The following DLC1 variants were observed in gnomAD, a reference collection of about 807,000 sequenced individuals.
DLC1 encodes DLC1 Rho GTPase activating protein, also known as rho GTPase-activating protein 7.
In DLC1, 54 loss-of-function variants were observed where a neutral mutation model predicts 140.3. That is an observed-to-expected ratio of 0.38 (90% CI 0.31 to 0.48). DLC1 has a LOEUF of 0.48. Ranked by LOEUF, DLC1 falls within the 20% of genes least tolerant of loss-of-function variation. The probability of loss-of-function intolerance (pLI) is 0.96; values close to 1 mark genes in which losing one functional copy is unlikely to be tolerated. For missense variants in DLC1, 2,536 were observed against 1,907.0 expected (o/e 1.33, Z -6.14); for synonymous variants, 986 against 728.1 (o/e 1.35, Z -5.70).
chr8:13,179,227 G>A (rs1426750470), intron 5 of DLC1, among the ~76,000 whole-genome samples: 1 of 151,370 alleles, frequency 6.6e-6, no homozygotes, highest in East Asian at 2.0e-4. Context: ...TCTTCTGTTA[G>A]AAATCAGGAG....
At chr8:13,204,137 A>G (rs894119858) in intron 5 of DLC1, among the ~76,000 whole-genome samples, 1 of 152,172 alleles carries the variant, frequency 6.6e-6, no homozygotes. Flanking sequence ...GTTAAGGAAA[A>G]TATTACTGTC....
At position 13,401,593 on chromosome 8, in the gene DLC1, C is replaced by T. The variant is rs147228489; in HGVS notation, c.1050G>A (p.Ala350=). 1.1e-4 allele frequency: 175 copies of T among 1,613,614 alleles called. No homozygotes were observed. In the East Asian group the frequency reaches 1.5e-3, roughly 14 times the overall value. The change falls in exon 3 of 18, where the codon GCG becomes GCA. Residue 350 remains alanine, a synonymous_variant. Transcript: ENST00000276297. ...TCAGCAGCACCATGGAGTCCAGCCG[C>T]GCCCTATCTCGATCTTCTCTTATTT... ...RKEIREDRDR[A]RLDSMVLLIM...
intron 2 of DLC1, among the ~76,000 whole-genome samples, chr8:13,464,954 A>G (rs1430571752): frequency 1.3e-5 from 2 of 151,974 alleles, no homozygotes; most frequent in East Asian, 1.9e-4. Context: ...TCAGGCTGTT[A>G]GTAATCTCCT....
At chr8:13,482,479 G>A (rs1800782206) in intron 2 of DLC1, among the ~76,000 whole-genome samples, 4 of 152,076 alleles carry the variant, frequency 2.6e-5, no homozygotes, top group South Asian at 4.2e-4. Context: ...CAGGTTAAGC[G>A]GTGAAATAAT....
At chr8:13,316,762 T>A (rs1045514750) in intron 4 of DLC1, among the ~76,000 whole-genome samples, 3 of 152,154 alleles carry the variant, frequency 2.0e-5, no homozygotes, top group Admixed American at 2.0e-4. Context: ...TCTCTGGTCA[T>A]TTGGGCCTTG....
intron 1 of DLC1, among the ~76,000 whole-genome samples, chr8:13,528,468 G>A (rs1281016923): frequency 1.3e-5 from 2 of 152,154 alleles, no homozygotes; most frequent in Non-Finnish European, 2.9e-5. Context: ...GTTTGAAAGA[G>A]TTTGTAAAAC....
chr8:13,462,201 A>G (rs760823723), intron 2 of DLC1, among the ~76,000 whole-genome samples: 1 of 152,094 alleles, frequency 6.6e-6, no homozygotes, highest in Non-Finnish European at 1.5e-5. Flanking sequence ...TACAAATTCT[A>G]TCCAAACTCA....
intron 1 of DLC1, among the ~76,000 whole-genome samples, chr8:13,578,657 C>G (rs1386274124): frequency 6.6e-6 from 1 of 152,138 alleles, no homozygotes; most frequent in East Asian, 1.9e-4. Context: ...GCTCACAGAG[C>G]TTAGAGAAAC....
intron 5 of DLC1, among the ~76,000 whole-genome samples, chr8:13,186,012 G>C (rs1284657446): frequency 6.6e-6 from 1 of 152,180 alleles, no homozygotes; most frequent in Non-Finnish European, 1.5e-5. Context: ...TCTGCCAAGA[G>C]ATCCACTGTT....
At chr8:13,397,455 G>A (rs1293277165) in intron 3 of DLC1, among the ~76,000 whole-genome samples, 1 of 152,130 alleles carries the variant, frequency 6.6e-6, no homozygotes, top group Non-Finnish European at 1.5e-5. Flanking sequence ...ATGCTGTGGT[G>A]AGAGACTGCA....
intron 4 of DLC1, among the ~76,000 whole-genome samples, chr8:13,325,001 A>G (rs773319700): frequency 4.0e-4 from 61 of 152,218 alleles, no homozygotes; most frequent in Admixed American, 8.5e-4. Flanking sequence ...TGAATGCTAA[A>G]ATACGTCCCA....
intron 5 of DLC1, among the ~76,000 whole-genome samples, chr8:13,165,539 CA>C (rs1296925131): frequency 6.6e-6 from 1 of 152,234 alleles, no homozygotes; most frequent in African/African-American, 2.4e-5. Flanking sequence ...ATCTCTAACA[CA>C]ATGCTGTTAG....
intron 5 of DLC1, among the ~76,000 whole-genome samples, chr8:13,144,164 C>G (rs1019307222): frequency 2.0e-5 from 3 of 152,214 alleles, no homozygotes; most frequent in Admixed American, 2.0e-4. Context: ...GTCCAATCAA[C>G]TGAGCACCCA....
intron 4 of DLC1, among the ~76,000 whole-genome samples, chr8:13,332,546 G>T (rs1671374): frequency 0.86 from 129,917 of 151,688 alleles, 56,046 homozygotes; most frequent in East Asian, 0.95. Context: ...TTCTCCTGCC[G>T]CAGCCTCCTG....
At chr8:13,280,429 C>G (rs1050844949) in intron 5 of DLC1, among the ~76,000 whole-genome samples, 1 of 152,008 alleles carries the variant, frequency 6.6e-6, no homozygotes, top group African/African-American at 2.4e-5. Context: ...TGTGTAAACT[C>G]TTCCAGATCC....
intron 7 of DLC1, among the ~76,000 whole-genome samples, chr8:13,106,952 A>G (rs1819615065): frequency 6.6e-6 from 1 of 152,244 alleles, no homozygotes; most frequent in Admixed American, 6.5e-5. Context: ...ACAGTTCACA[A>G]TACTACGTGC....
At chr8:13,600,236 A>C (rs1190795298) in intron 1 of DLC1, among the ~76,000 whole-genome samples, 1 of 151,952 alleles carries the variant, frequency 6.6e-6, no homozygotes, top group East Asian at 1.9e-4. Flanking sequence ...TTTCTCAGAT[A>C]GTCTTTTATT....
At chr8:13,092,586 G>A in intron 13 of DLC1, 26 bp downstream of exon 13, 2 of 1,609,260 alleles carry the variant, frequency 1.2e-6, no homozygotes, top group East Asian at 2.2e-5. Context: ...CCCCCTGTGT[G>A]CATGCACCTC....
At chr8:13,308,839 T>C (rs1002472357) in intron 4 of DLC1, among the ~76,000 whole-genome samples, 5 of 152,074 alleles carry the variant, frequency 3.3e-5, no homozygotes, top group South Asian at 4.1e-4. Flanking sequence ...GAGGCATTGA[T>C]TGGGGGATTC....
Sources: gnomAD v4.1 joint callset for allele counts (sites outside exome capture counted in the v4.1 genomes callset) on GRCh38, gnomAD v4.1.1 for gene constraint, MANE v1.5 for transcripts, NCBI Gene and HGNC (gene_info 2026-07-23, HGNC 2026-07-21) for gene names.